Variants in PLB1 observed in about 807,000 individuals in gnomAD.
PLB1 encodes the protein phospholipase B1, membrane-associated.
A neutral mutation model predicts 227.4 loss-of-function variants in PLB1; 242 were observed. That is an observed-to-expected ratio of 1.06 (90% CI 0.96 to 1.18). The LOEUF (loss-of-function observed/expected upper bound fraction) is 1.18. Among genes scored for constraint, PLB1 ranks in the 50% most tolerant of loss-of-function variants. PLB1 has a pLI of 0.00. For missense variants in PLB1, 1,858 were observed against 1,816.3 expected (o/e 1.02, Z -0.42); for synonymous variants, 757 against 682.2 (o/e 1.11, Z -1.71).
At chr2:28,633,669 C>T (rs2148344419) in intron 56 of PLB1, among the ~76,000 whole-genome samples, 1 of 152,366 alleles carries the variant, frequency 6.6e-6, no homozygotes, top group South Asian at 2.1e-4. Flanking sequence ...GGGGGTCTTT[C>T]AGGGACACCT....
chr2:28,576,587 G>A lies in PLB1; in HGVS notation c.1434-1520G>A, dbSNP rs191192259. ...TCTACTAAAAATACAACAATTAGCC[G>A]GGTGTGGTGGCGGGTGCCTGTAATT... On this transcript the variant is annotated intron_variant, in intron 21 of 57. Coordinates refer to ENST00000327757, the MANE Select transcript of PLB1 (RefSeq NM_153021.5). 3.2e-3 allele frequency among the ~76,000 whole-genome samples: 492 copies of A among 152,244 alleles called. 2 individuals are homozygous for A. The highest frequency in any genetic ancestry group is 7.9e-3 in the Admixed American group (121 of 15,288).
At chr2:28,587,381 C>G (rs1341992932) in intron 26 of PLB1, among the ~76,000 whole-genome samples, 2 of 152,122 alleles carry the variant, frequency 1.3e-5, no homozygotes, top group Non-Finnish European at 2.9e-5. Context: ...TTTGGGAGAC[C>G]AAGGCGGGAG....
chr2:28,569,103 A>G (rs1442676846), intron 20 of PLB1, among the ~76,000 whole-genome samples: 1 of 152,230 alleles, frequency 6.6e-6, no homozygotes, highest in Non-Finnish European at 1.5e-5. Flanking sequence ...GTAAACCTGC[A>G]GCAGTGCTGG....
chr2:28,587,396 A>T (rs1681082679), intron 26 of PLB1, among the ~76,000 whole-genome samples: 1 of 152,156 alleles, frequency 6.6e-6, no homozygotes, highest in South Asian at 2.1e-4. Flanking sequence ...CGGGAGGATC[A>T]CTTGAGTTTA....
intron 14 of PLB1, among the ~76,000 whole-genome samples, chr2:28,547,383 A>G (rs1673460666): frequency 6.6e-6 from 1 of 152,068 alleles, no homozygotes. Flanking sequence ...CGTGGAGTCC[A>G]TTTCCTCTCC....
intron 30 of PLB1, 61 bp from the exon 31 acceptor site, chr2:28,591,639 A>T (rs1681957949): frequency 6.5e-7 from 1 of 1,545,738 alleles, no homozygotes; most frequent in Non-Finnish European, 8.9e-7. Flanking sequence ...GGTACATCTG[A>T]TAGCCAGTTT....
At chr2:28,581,964 A>G in intron 23 of PLB1, 104 bp from the exon 24 acceptor site, 1 of 1,153,326 alleles carries the variant, frequency 8.7e-7, no homozygotes, top group Non-Finnish European at 1.2e-6. Context: ...CTATCTCAAA[A>G]AAAGAAAAAA....
At chr2:28,641,383 A>C (rs527680550) in intron 57 of PLB1, among the ~76,000 whole-genome samples, 10 of 152,322 alleles carry the variant, frequency 6.6e-5, no homozygotes, top group African/African-American at 2.2e-4. Context: ...CGAGGCGGTC[A>C]GATCACCTGA....
At chr2:28,555,899 C>T (rs2148228690) in intron 17 of PLB1, among the ~76,000 whole-genome samples, 1 of 133,630 alleles carries the variant, frequency 7.5e-6, no homozygotes, top group East Asian at 2.2e-4. Flanking sequence ...GAGATGGTCT[C>T]AGTCTGTCGC....
chr2:28,529,626 A>G, intron 7 of PLB1, 102 bp from the exon 8 acceptor site: 1 of 1,249,974 alleles, frequency 8.0e-7, no homozygotes, highest in Non-Finnish European at 1.2e-6. Flanking sequence ...GGGGTGGATA[A>G]AGCTTAGAGA....
chr2:28,496,870 G>A (rs1666512855), intron 1 of PLB1, among the ~76,000 whole-genome samples: 1 of 152,200 alleles, frequency 6.6e-6, no homozygotes, highest in Admixed American at 6.5e-5. Flanking sequence ...ATCTTCTCCA[G>A]ATGAGAGGAC....
At chr2:28,501,897 T>C (rs899745895) in intron 1 of PLB1, among the ~76,000 whole-genome samples, 5 of 152,200 alleles carry the variant, frequency 3.3e-5, no homozygotes, top group African/African-American at 1.2e-4. Context: ...AATATTTTGC[T>C]ATTACAAATA....
intron 17 of PLB1, among the ~76,000 whole-genome samples, chr2:28,553,626 G>T (rs560219229): frequency 1.3e-5 from 2 of 152,308 alleles, no homozygotes; most frequent in South Asian, 2.1e-4. Context: ...GCCATCTGGT[G>T]ACCTGAGTGA....
Position 28,604,167 on chromosome 2 carries a change from C to T in PLB1, c.2856+120C>T, listed in dbSNP as rs932069739. ...AAGCTGGTCAGGGATTGTGGGGAGA[C>T]GGGGAGCAGCCTGGGTGCCTTCCTC... On this transcript the variant is annotated intron_variant, in intron 40 of 57. Transcript: ENST00000327757. The T allele has an allele frequency of 3.8e-5, 35 of 931,892 alleles. No individual in the cohort carries two copies. The African/African-American group carries it at 4.1e-4, about 11-fold the overall frequency. 57.7% of individuals were successfully genotyped at this position (931,892 alleles called of 1,614,324 possible). A position where few individuals can be genotyped will look rare whatever the true frequency, so the allele number is the denominator to read the frequency against.
chr2:28,538,238 TG>T, intron 9 of PLB1, 80 bp from the exon 10 acceptor site: 1 of 1,561,562 alleles, frequency 6.4e-7, no homozygotes, highest in Non-Finnish European at 8.8e-7. Context: ...CTGGCAGGGA[TG>T]GGCCTGTTGT....
At chr2:28,497,458 G>T (rs1398113833) in intron 1 of PLB1, among the ~76,000 whole-genome samples, 1 of 152,192 alleles carries the variant, frequency 6.6e-6, no homozygotes, top group Non-Finnish European at 1.5e-5. Context: ...TCTGGTTGGA[G>T]GTTGTTGGTA....
chr2:28,518,459 A>G lies in PLB1; in HGVS notation c.118-7A>G, dbSNP rs756562067. The G allele has an allele frequency of 8.1e-6, 13 of 1,609,002 alleles. No homozygotes were observed. Among genetic ancestry groups the G allele is most frequent in the Non-Finnish European group, 1.1e-5 (13 of 1,175,458 alleles). On this transcript the variant is annotated splice_region_variant and splice_polypyrimidine_tract_variant and intron_variant, in intron 2 of 57. Coordinates refer to ENST00000327757, the MANE Select transcript of PLB1 (RefSeq NM_153021.5). ...TTGATGTTTCTGATGTTCGTTTTCAATTGCAGACCCTGAAGAATTCTCCAT... is the reference window on the plus strand; with the variant it reads ...TTGATGTTTCTGATGTTCGTTTTCAGTTGCAGACCCTGAAGAATTCTCCAT...
At chr2:28,513,323 G>T (rs1014706380) in intron 1 of PLB1, among the ~76,000 whole-genome samples, 2 of 152,326 alleles carry the variant, frequency 1.3e-5, no homozygotes, top group East Asian at 3.9e-4. Flanking sequence ...TTCAAGTCTG[G>T]TCTTTAGACT....
In PLB1 at chr2:28,564,641, T is replaced by G. The variant is rs1445915055; in HGVS notation, c.1207-639T>G. On this transcript the variant is annotated intron_variant, in intron 18 of 57. Coordinates refer to ENST00000327757, the MANE Select transcript of PLB1 (RefSeq NM_153021.5). ...TTTGGGTGTGAACCTGCCTGGCAGG[T>G]AGCAAAGGAACTGGGCACCAGAGAG... 2.0e-5 allele frequency among the ~76,000 whole-genome samples: 3 copies of G among 152,200 alleles called. No homozygotes were observed. The East Asian group carries it at 5.8e-4, about 29-fold the overall frequency.
Sources: allele counts gnomAD v4.1 joint callset (sites outside exome capture counted in the v4.1 genomes callset), GRCh38; gene constraint gnomAD v4.1.1; transcripts MANE v1.5; gene names NCBI Gene and HGNC (gene_info 2026-07-23, HGNC 2026-07-21).